PPP3R1: variants seen among roughly 807,000 people sequenced by gnomAD.
PPP3R1 encodes the protein calcineurin subunit B type 1.
A neutral mutation model predicts 22.6 loss-of-function variants in PPP3R1; 5 were observed. The ratio of observed to expected loss-of-function variants is 0.22; its 90% CI spans 0.12 to 0.46. The LOEUF (loss-of-function observed/expected upper bound fraction) is 0.46, where lower values mean the gene tolerates loss of function less well. Ranked by LOEUF, PPP3R1 falls within the 20% of genes least tolerant of loss-of-function variation. The pLI, the probability that PPP3R1 is intolerant of heterozygous loss-of-function variation, is 0.99. For missense variants in PPP3R1, 61 were observed against 203.2 expected, an observed-to-expected ratio of 0.30 and a Z score of 4.25; for synonymous variants, 56 against 65.2, an observed-to-expected ratio of 0.86 and a Z score of 0.68.
At chr2:68,218,848 T>TAC (rs760796615) in intron 1 of PPP3R1, among the ~76,000 whole-genome samples, 27 of 152,224 alleles carry the variant, frequency 1.8e-4, no homozygotes, top group Middle Eastern at 3.4e-3. Flanking sequence ...CACTGACCTT[T>TAC]ACAGTGTTAT....
In PPP3R1 at chr2:68,217,138, G is replaced by A; in HGVS notation, c.4-7C>T. The A allele has an allele frequency of 1.3e-6, 2 of 1,580,148 alleles. No homozygotes were observed. The highest frequency in any genetic ancestry group is 1.3e-5 in the African/African-American group (1 of 74,156). On this transcript the variant is annotated splice_polypyrimidine_tract_variant and splice_region_variant and intron_variant, in intron 1 of 5. Coordinates refer to ENST00000234310, the MANE Select transcript of PPP3R1 (RefSeq NM_000945.4). ...GATAACTTGCCTCATTTCCCTGGGGGGAAAGAAAGAAATAATTAGTCATAA... is the reference window on the plus strand; with the variant it reads ...GATAACTTGCCTCATTTCCCTGGGGAGAAAGAAAGAAATAATTAGTCATAA...
intron 1 of PPP3R1, among the ~76,000 whole-genome samples, chr2:68,236,099 C>T (rs953802995): frequency 6.6e-6 from 1 of 152,014 alleles, no homozygotes; most frequent in African/African-American, 2.4e-5. Context: ...TATCAGATAA[C>T]GATTTTGAGA....
At chr2:68,209,415 ATAAAT>A (rs919198441) in intron 2 of PPP3R1, among the ~76,000 whole-genome samples, 2 of 149,924 alleles carry the variant, frequency 1.3e-5, no homozygotes, top group African/African-American at 4.9e-5. Flanking sequence ...AAAATAGCAG[ATAAAT>A]TAATAAATAA....
chr2:68,223,914 A>G (rs1023241915), intron 1 of PPP3R1, among the ~76,000 whole-genome samples: 2 of 152,202 alleles, frequency 1.3e-5, no homozygotes, highest in Non-Finnish European at 2.9e-5. Flanking sequence ...ATTACTAAAA[A>G]GCTATCAAAA....
At chr2:68,241,072 G>T (rs369651850) in intron 1 of PPP3R1, among the ~76,000 whole-genome samples, 1 of 152,092 alleles carries the variant, frequency 6.6e-6, no homozygotes, top group East Asian at 1.9e-4. Context: ...ATCTCTAGAC[G>T]CTCTACAGTG....
chr2:68,232,765 C>T (rs1202991070), intron 1 of PPP3R1, among the ~76,000 whole-genome samples: 1 of 152,020 alleles, frequency 6.6e-6, no homozygotes, highest in South Asian at 2.1e-4. Context: ...CACCACTTTG[C>T]CCAGCTAATT....
At chr2:68,218,851 AGT>A (rs1437799040) in intron 1 of PPP3R1, among the ~76,000 whole-genome samples, 4 of 152,018 alleles carry the variant, frequency 2.6e-5, no homozygotes, top group African/African-American at 9.7e-5. Context: ...TGACCTTTAC[AGT>A]GTTATCAATT....
chr2:68,188,102 G>A (rs141244851), intron 3 of PPP3R1, among the ~76,000 whole-genome samples: 2,006 of 152,210 alleles, frequency 0.013, 12 homozygotes, highest in African/African-American at 0.028. Context: ...CTCAGGAGGC[G>A]GAGGCTGCAG....
chr2:68,195,887 C>CT lies in PPP3R1; in HGVS notation c.44-7198dup, dbSNP rs570571597. On this transcript the variant is annotated intron_variant, in intron 2 of 5. Transcript: ENST00000234310. ...GCTCCTATGCGGCCTTTCCAACAAC[C>CT]TTTTTTTTTTTTTTAAGTACTTCCT... 3.5e-3 allele frequency among the ~76,000 whole-genome samples: 500 copies of CT among 141,634 alleles called. 2 individuals are homozygous for CT. Among genetic ancestry groups the CT allele is most frequent in the East Asian group, 0.013 (62 of 4,932 alleles). 92.9% of individuals were successfully genotyped at this position (141,634 alleles called of 152,430 possible).
chr2:68,203,417 CAT>C (rs1675028667), intron 2 of PPP3R1, among the ~76,000 whole-genome samples: 1 of 152,148 alleles, frequency 6.6e-6, no homozygotes, highest in Non-Finnish European at 1.5e-5. Flanking sequence ...GCCTGACCAA[CAT>C]GGTGAAACCT....
At chr2:68,215,243 T>C (rs903672084) in intron 2 of PPP3R1, among the ~76,000 whole-genome samples, 1 of 151,766 alleles carries the variant, frequency 6.6e-6, no homozygotes, top group South Asian at 2.1e-4. Context: ...ACACAGTTTA[T>C]CCATATAACA....
intron 2 of PPP3R1, among the ~76,000 whole-genome samples, chr2:68,204,691 G>C (rs1675073956): frequency 6.6e-6 from 1 of 152,194 alleles, no homozygotes; most frequent in Non-Finnish European, 1.5e-5. Context: ...CTGGGACATG[G>C]TAAGCACCAT....
At chr2:68,183,926 T>A (rs1278211043) in intron 5 of PPP3R1, among the ~76,000 whole-genome samples, 1 of 152,116 alleles carries the variant, frequency 6.6e-6, no homozygotes, top group East Asian at 1.9e-4. Flanking sequence ...GAGATAAGAT[T>A]TCCTAAAGAG....
At chr2:68,202,188 CAAG>C (rs1674992464) in intron 2 of PPP3R1, among the ~76,000 whole-genome samples, 1 of 152,104 alleles carries the variant, frequency 6.6e-6, no homozygotes, top group Non-Finnish European at 1.5e-5. Context: ...GAGAAAGATT[CAAG>C]AAGTTTTATT....
chr2:68,243,823 T>G (rs6758120), intron 1 of PPP3R1, among the ~76,000 whole-genome samples: 2 of 152,108 alleles, frequency 1.3e-5, no homozygotes, highest in African/African-American at 4.8e-5. Flanking sequence ...TTGTAATAAG[T>G]AGCGTATCAT....
intron 1 of PPP3R1, among the ~76,000 whole-genome samples, chr2:68,238,539 T>G (rs1414961753): frequency 1.3e-5 from 2 of 152,158 alleles, no homozygotes; most frequent in Admixed American, 6.6e-5. Flanking sequence ...CCGACTGTCA[T>G]GCAAAACAGT....
At chr2:68,213,547 C>T (rs751322834) in intron 2 of PPP3R1, among the ~76,000 whole-genome samples, 8 of 152,032 alleles carry the variant, frequency 5.3e-5, no homozygotes, top group Non-Finnish European at 1.0e-4. Flanking sequence ...CCACAGACCA[C>T]CATACAGATA....
At chr2:68,234,452 A>AT (rs1669977765) in intron 1 of PPP3R1, among the ~76,000 whole-genome samples, 1 of 152,208 alleles carries the variant, frequency 6.6e-6, no homozygotes, top group African/African-American at 2.4e-5. Flanking sequence ...TCTTACCAAC[A>AT]TATCATAAAG....
intron 2 of PPP3R1, among the ~76,000 whole-genome samples, chr2:68,192,599 T>C (rs1210492885): frequency 6.6e-6 from 1 of 152,158 alleles, no homozygotes; most frequent in African/African-American, 2.4e-5. Context: ...GAAGATAGCA[T>C]TTCAGTCTTA....
Sources: gnomAD v4.1 joint callset for allele counts (sites outside exome capture counted in the v4.1 genomes callset) on GRCh38, gnomAD v4.1.1 for gene constraint, MANE v1.5 for transcripts, NCBI Gene and HGNC (gene_info 2026-07-23, HGNC 2026-07-21) for gene names.